Variants in PRDM5 observed in about 807,000 individuals in gnomAD.
PRDM5 encodes PR/SET domain 5.
In PRDM5, 56 loss-of-function variants were observed where a neutral mutation model predicts 81.2. That is an observed-to-expected ratio of 0.69 (90% confidence interval 0.56 to 0.86). PRDM5 has a LOEUF of 0.86. Ranked by LOEUF, PRDM5 falls within the 40% of genes least tolerant of loss-of-function variation. The probability of loss-of-function intolerance (pLI) is 0.00; values close to 1 mark genes in which losing one functional copy is unlikely to be tolerated. For missense variants in PRDM5, 697 were observed against 770.1 expected, an observed-to-expected ratio of 0.91 and a Z score of 1.12; for synonymous variants, 267 against 256.4, an observed-to-expected ratio of 1.04 and a Z score of -0.39.
At chr4:120,891,329 C>T (rs888870748) in intron 2 of PRDM5, among the ~76,000 whole-genome samples, 1 of 152,060 alleles carries the variant, frequency 6.6e-6, no homozygotes, top group African/African-American at 2.4e-5. Context: ...TAGAGGTTTT[C>T]ATAATTGTCT....
intron 2 of PRDM5, among the ~76,000 whole-genome samples, chr4:120,904,828 T>C (rs1302113756): frequency 6.6e-6 from 1 of 152,128 alleles, no homozygotes; most frequent in Non-Finnish European, 1.5e-5. Flanking sequence ...ACACTAAAAT[T>C]TTCAGATAAC....
At chr4:120,887,423 C>T in intron 2 of PRDM5, among the ~76,000 whole-genome samples, 1 of 152,192 alleles carries the variant, frequency 6.6e-6, no homozygotes, top group East Asian at 1.9e-4. Flanking sequence ...CTGCTCCACT[C>T]TTGCCTCTCT....
At chr4:120,839,912 T>C (rs1028851394) in intron 3 of PRDM5, among the ~76,000 whole-genome samples, 1 of 152,132 alleles carries the variant, frequency 6.6e-6, no homozygotes, top group Non-Finnish European at 1.5e-5. Flanking sequence ...GCAGCTGGTG[T>C]GTCAGCACTG....
At chr4:120,759,320 T>C (rs1181817509) in intron 13 of PRDM5, among the ~76,000 whole-genome samples, 2 of 152,222 alleles carry the variant, frequency 1.3e-5, no homozygotes, top group Non-Finnish European at 2.9e-5. Context: ...TTGAAAACTA[T>C]AATGTGTAGT....
intron 13 of PRDM5, among the ~76,000 whole-genome samples, chr4:120,774,981 T>G (rs1420137218): frequency 6.7e-6 from 1 of 149,494 alleles, no homozygotes; most frequent in Non-Finnish European, 1.5e-5. Context: ...TGTGTGTATA[T>G]GTATATGTGT....
intron 11 of PRDM5, among the ~76,000 whole-genome samples, 170 bp from the exon 12 acceptor site, chr4:120,781,473 T>A (rs761930655): frequency 6.6e-6 from 1 of 152,226 alleles, no homozygotes; most frequent in African/African-American, 2.4e-5. Context: ...TAATTCACTG[T>A]GTGACTAGGC....
intron 15 of PRDM5, among the ~76,000 whole-genome samples, chr4:120,707,153 A>G (rs1295506583): frequency 1.3e-5 from 2 of 152,144 alleles, no homozygotes; most frequent in Non-Finnish European, 2.9e-5. Context: ...ATAAATTCAG[A>G]TGCAAAAATC....
intron 2 of PRDM5, among the ~76,000 whole-genome samples, chr4:120,857,403 G>T (rs1023525696): frequency 1.3e-5 from 2 of 152,204 alleles, no homozygotes; most frequent in East Asian, 3.9e-4. Flanking sequence ...ATACCTTCTT[G>T]TGAAAATGAA....
At position 120,865,715 on chromosome 4, in the gene PRDM5, T is replaced by C. The variant is rs144831895; in HGVS notation, c.178-12175A>G. ...ACTCCTCTGAGATGGGTAACCTGAA[T>C]GGTGAATTATAGTTCCTGGGCATCA... is the stretch of plus-strand genomic sequence containing the variant. On this transcript the variant is annotated intron_variant, in intron 2 of 15. Coordinates refer to ENST00000264808, the MANE Select transcript of PRDM5 (RefSeq NM_018699.4). Among the ~76,000 whole-genome samples the C allele has an allele frequency of 2.6e-5, 4 of 152,320 alleles. No homozygotes were observed. The East Asian group carries it at 5.8e-4, about 22-fold the overall frequency.
intron 1 of PRDM5, among the ~76,000 whole-genome samples, chr4:120,685,746 A>T (rs983937497): frequency 6.6e-6 from 1 of 152,140 alleles, no homozygotes; most frequent in South Asian, 2.1e-4. Flanking sequence ...GTTTAAAAAA[A>T]TTGACATCAT....
At chr4:120,911,092 A>G (rs1198265262) in intron 1 of PRDM5, among the ~76,000 whole-genome samples, 2 of 152,180 alleles carry the variant, frequency 1.3e-5, no homozygotes, top group Non-Finnish European at 2.9e-5. Flanking sequence ...GTAGGGCAAC[A>G]CAACACCAGA....
At chr4:120,750,221 C>T (rs933436154) in intron 14 of PRDM5, among the ~76,000 whole-genome samples, 2 of 152,176 alleles carry the variant, frequency 1.3e-5, no homozygotes, top group African/African-American at 4.8e-5. Context: ...CCACCTAACA[C>T]TAGGGTAGAG....
At chr4:120,860,310 T>C (rs1760418174) in intron 2 of PRDM5, among the ~76,000 whole-genome samples, 1 of 152,228 alleles carries the variant, frequency 6.6e-6, no homozygotes, top group Non-Finnish European at 1.5e-5. Flanking sequence ...TGTTCAAAAA[T>C]ATTTTATAAG....
At chr4:120,700,482 C>G (rs11934820) in intron 15 of PRDM5, among the ~76,000 whole-genome samples, 11,265 of 152,092 alleles carry the variant, frequency 0.074, 864 homozygotes, top group African/African-American at 0.17. Flanking sequence ...CTAAAGAGCT[C>G]TGCATAGCAA....
intron 2 of PRDM5, among the ~76,000 whole-genome samples, chr4:120,874,792 T>G (rs1274315017): frequency 6.6e-6 from 1 of 152,226 alleles, no homozygotes; most frequent in Non-Finnish European, 1.5e-5. Context: ...CTGAGGAAAC[T>G]GGTCCCAGAT....
intron 14 of PRDM5, 88 bp from the exon 15 acceptor site, chr4:120,710,501 A>C: frequency 9.4e-7 from 1 of 1,060,682 alleles, no homozygotes; most frequent in Non-Finnish European, 1.5e-6. Flanking sequence ...TATGGGATCC[A>C]CAGAATACTG....
chr4:120,902,578 G>A (rs28441430), intron 2 of PRDM5, among the ~76,000 whole-genome samples: 207 of 152,228 alleles, frequency 1.4e-3, no homozygotes, highest in African/African-American at 4.8e-3. Context: ...ATTGTCCAAG[G>A]GAAGCATTTA....
intron 11 of PRDM5, among the ~76,000 whole-genome samples, chr4:120,784,558 C>T (rs1749488226): frequency 6.6e-6 from 1 of 151,944 alleles, no homozygotes; most frequent in South Asian, 2.1e-4. Flanking sequence ...TTAAGGTGTC[C>T]GATTAGATGT....
chr4:120,715,793 G>T (rs1014409390), intron 14 of PRDM5, among the ~76,000 whole-genome samples: 4 of 152,304 alleles, frequency 2.6e-5, no homozygotes, highest in African/African-American at 9.6e-5. Context: ...CCAATGACAG[G>T]TGAGGGTTTT....
Sources: allele counts gnomAD v4.1 joint callset (sites outside exome capture counted in the v4.1 genomes callset), GRCh38; gene constraint gnomAD v4.1.1; transcripts MANE v1.5; gene names NCBI Gene and HGNC (gene_info 2026-07-23, HGNC 2026-07-21).